RBFOX1: variants seen among roughly 807,000 people sequenced by gnomAD.
RBFOX1 encodes the protein RNA binding protein fox-1 homolog 1.
In RBFOX1, 8 loss-of-function variants were observed where a neutral mutation model predicts 57.7. The ratio of observed to expected loss-of-function variants is 0.14; its 90% CI spans 0.08 to 0.25. RBFOX1 has a LOEUF of 0.25. Among genes scored for constraint, RBFOX1 ranks in the 10% least tolerant of loss-of-function variants. The pLI, the probability that RBFOX1 is intolerant of heterozygous loss-of-function variation, is 1.00. For synonymous variants in RBFOX1, 326 were observed against 222.4 expected (o/e 1.47, Z -4.15); for missense variants, 611 against 548.5 (o/e 1.11, Z -1.14).
At chr16:6,295,132 G>T (rs1012759286) in intron 1 of RBFOX1, among the ~76,000 whole-genome samples, 2 of 126,762 alleles carry the variant, frequency 1.6e-5, no homozygotes, top group Admixed American at 9.5e-5. Flanking sequence ...TTTTTGAGAC[G>T]GGGTATCTCT....
In RBFOX1 at chr16:7,654,008, G is replaced by C. The variant is rs546544429; in HGVS notation, c.890+61G>C. 11 of 1,433,218 alleles carry C rather than the reference G, an allele frequency of 7.7e-6. No homozygotes were observed. In the African/African-American group the frequency reaches 1.5e-4, roughly 19 times the overall value. 88.8% of individuals were successfully genotyped at this position (1,433,218 alleles called of 1,614,324 possible). On this transcript the variant is annotated intron_variant, in intron 12 of 15. Transcript: ENST00000550418. ...ACCAGCCCTCCCTCCCCAGAGGCAC[G>C]GAGCTGTTTGCGAGCGCATGATGGT...
At chr16:7,287,365 A>G (rs796469914) in intron 4 of RBFOX1, among the ~76,000 whole-genome samples, 14 of 152,290 alleles carry the variant, frequency 9.2e-5, no homozygotes, top group African/African-American at 3.4e-4. Context: ...TTAGGATTCC[A>G]TGGAGAGCAG....
intron 4 of RBFOX1, among the ~76,000 whole-genome samples, chr16:5,981,110 G>A (rs1444344019): frequency 2.6e-5 from 4 of 152,186 alleles, no homozygotes; most frequent in East Asian, 1.9e-4. Flanking sequence ...GGGAGCTACC[G>A]ATACAGATTT....
chr16:6,227,289 G>A (rs750217072), intron 1 of RBFOX1, among the ~76,000 whole-genome samples: 2 of 152,084 alleles, frequency 1.3e-5, no homozygotes, highest in Admixed American at 6.6e-5. Flanking sequence ...ATTCTAAAAC[G>A]GAGTCTAAGA....
intron 3 of RBFOX1, among the ~76,000 whole-genome samples, chr16:6,762,104 A>G (rs1374696589): frequency 3.3e-5 from 5 of 152,176 alleles, no homozygotes; most frequent in African/African-American, 1.2e-4. Context: ...TAGTTGAGTT[A>G]CCTTGGGAAA....
intron 1 of RBFOX1, among the ~76,000 whole-genome samples, chr16:5,412,830 C>T (rs2067057914): frequency 6.6e-6 from 1 of 152,150 alleles, no homozygotes; most frequent in African/African-American, 2.4e-5. Context: ...GCTAGGGCTT[C>T]ACATTTTTGG....
In RBFOX1 at chr16:7,184,673, C is replaced by T. The variant is rs781130251; in HGVS notation, c.27+132575C>T. Among the ~76,000 whole-genome samples the T allele has an allele frequency of 7.4e-4, 100 of 134,718 alleles. 1 individual carries two copies. The highest frequency in any genetic ancestry group is 2.3e-4 in the Non-Finnish European group (15 of 65,470). 88.4% of individuals were successfully genotyped at this position (134,718 alleles called of 152,430 possible). A position where few individuals can be genotyped will look rare whatever the true frequency, so the allele number is the denominator to read the frequency against. ...TCACATGGGTATACCTAAACAGTTA[C>T]AAACCCCCAAACCTGATTATGAGCT... is the stretch of plus-strand genomic sequence containing the variant. On this transcript the variant is annotated intron_variant, in intron 4 of 15. Coordinates refer to ENST00000550418, the MANE Select transcript of RBFOX1 (RefSeq NM_018723.4).
intron 4 of RBFOX1, among the ~76,000 whole-genome samples, chr16:5,955,577 A>G (rs1480724603): frequency 6.6e-6 from 1 of 152,118 alleles, no homozygotes; most frequent in Non-Finnish European, 1.5e-5. Context: ...ATATTGTTGA[A>G]ATAAATGTAT....
Position 6,226,560 on chromosome 16 carries a change from A to G in RBFOX1, c.-126-90435A>G, listed in dbSNP as rs577521035. Reference sequence around the variant, plus strand: ...GCACAGACTTTCTGAAGCATATTGTATGAATTGGTTTTTGATATATTATGG... The same window carrying G: ...GCACAGACTTTCTGAAGCATATTGTGTGAATTGGTTTTTGATATATTATGG... On this transcript the variant is annotated intron_variant, in intron 1 of 15. Transcript: ENST00000550418. 3.9e-5 allele frequency among the ~76,000 whole-genome samples: 6 copies of G among 152,214 alleles called. No individual in the cohort carries two copies. In the South Asian group the frequency reaches 1.2e-3, roughly 32 times the overall value.
intron 2 of RBFOX1, among the ~76,000 whole-genome samples, chr16:6,389,556 T>C (rs9927893): frequency 0.051 from 7,707 of 152,268 alleles, 670 homozygotes; most frequent in African/African-American, 0.17. Flanking sequence ...CTTAGTCCAA[T>C]TGCTGTTCTA....
In RBFOX1 at chr16:6,666,130, AG is replaced by A. The variant is rs368429845; in HGVS notation, c.-16+11481del. Among the ~76,000 whole-genome samples the A allele has an allele frequency of 2.0e-3, 302 of 152,320 alleles. 1 individual carries two copies. Among genetic ancestry groups the A allele is most frequent in the African/African-American group, 6.6e-3 (276 of 41,572 alleles). On this transcript the variant is annotated intron_variant, in intron 3 of 15. Coordinates refer to ENST00000550418, the MANE Select transcript of RBFOX1 (RefSeq NM_018723.4). ...TCCCATCATGGTTATGAGACCTGCC[AG>A]CCACATGGAACTGTGAGTCTATTAA...
intron 5 of RBFOX1, among the ~76,000 whole-genome samples, chr16:7,553,325 T>G (rs1197615766): frequency 6.6e-6 from 1 of 151,970 alleles, no homozygotes; most frequent in Non-Finnish European, 1.5e-5. Flanking sequence ...TAAAATTTTC[T>G]GTAGAGATGG....
intron 4 of RBFOX1, among the ~76,000 whole-genome samples, chr16:7,059,367 C>T (rs1282557454): frequency 6.6e-6 from 1 of 152,164 alleles, no homozygotes. Context: ...GTAGAAATGC[C>T]TGCTTCTGTT....
chr16:6,693,548 C>T (rs951844835), intron 3 of RBFOX1, among the ~76,000 whole-genome samples: 16 of 151,894 alleles, frequency 1.1e-4, no homozygotes, highest in South Asian at 6.2e-4. Context: ...GCAACATCAT[C>T]TTCCTCCACT....
intron 13 of RBFOX1, among the ~76,000 whole-genome samples, chr16:7,673,976 G>A (rs1017515731): frequency 2.0e-5 from 3 of 152,206 alleles, no homozygotes; most frequent in Non-Finnish European, 1.5e-5. Context: ...GTGGAACCTT[G>A]AAGAAGTTCT....
At chr16:7,488,782 A>C (rs72773032) in intron 4 of RBFOX1, among the ~76,000 whole-genome samples, 1 of 152,144 alleles carries the variant, frequency 6.6e-6, no homozygotes, top group Admixed American at 6.5e-5. Context: ...GTATACATCT[A>C]TCTATACATA....
intron 1 of RBFOX1, among the ~76,000 whole-genome samples, chr16:6,251,118 C>A (rs997100566): frequency 6.6e-6 from 1 of 152,124 alleles, no homozygotes; most frequent in African/African-American, 2.4e-5. Context: ...AGCTCTTAAT[C>A]TTAATGACCA....
chr16:7,333,370 G>A (rs2096727568), intron 4 of RBFOX1, among the ~76,000 whole-genome samples: 1 of 152,192 alleles, frequency 6.6e-6, no homozygotes, highest in Non-Finnish European at 1.5e-5. Flanking sequence ...ACGGGGCAAA[G>A]GATTTGCTCT....
Position 6,296,710 on chromosome 16 carries a change from G to A in RBFOX1, c.-126-20285G>A, listed in dbSNP as rs143367566. Among the ~76,000 whole-genome samples, 652 of 152,254 alleles carry A rather than the reference G, an allele frequency of 4.3e-3. 7 individuals are homozygous for A. The highest frequency in any genetic ancestry group is 4.5e-3 in the Non-Finnish European group (308 of 68,014). On this transcript the variant is annotated intron_variant, in intron 1 of 15. Transcript: ENST00000550418. ...GCTGGGATTACAGACGTGAGCCACC[G>A]TACCCAGCCTGTGTATTTTAAGAAT...
Sources: gnomAD v4.1 joint callset for allele counts (sites outside exome capture counted in the v4.1 genomes callset) on GRCh38, gnomAD v4.1.1 for gene constraint, MANE v1.5 for transcripts, NCBI Gene and HGNC (gene_info 2026-07-23, HGNC 2026-07-21) for gene names.